TGIF1: variants seen among roughly 807,000 people sequenced by gnomAD.
TGIF1 encodes the protein TGFB induced factor homeobox 1.
A neutral mutation model predicts 19.3 loss-of-function variants in TGIF1; 4 were observed. That is an observed-to-expected ratio of 0.21 (90% CI 0.10 to 0.47). The LOEUF (loss-of-function observed/expected upper bound fraction) is 0.47, where lower values mean the gene tolerates loss of function less well. Among genes scored for constraint, TGIF1 ranks in the 20% least tolerant of loss-of-function variants. TGIF1 has a pLI of 0.98. For synonymous variants in TGIF1, 122 were observed against 129.3 expected (o/e 0.94, Z 0.38); for missense variants, 275 against 341.4 (o/e 0.81, Z 1.53).
intron 1 of TGIF1, among the ~76,000 whole-genome samples, chr18:3,416,391 C>T (rs944968666): frequency 2.6e-5 from 4 of 152,000 alleles, no homozygotes; most frequent in East Asian, 1.9e-4. Context: ...TTATGGCACG[C>T]GCCTGTAATC....
chr18:3,422,190 TAAAA>T (rs33992043), intron 2 of TGIF1, among the ~76,000 whole-genome samples: 1 of 121,034 alleles, frequency 8.3e-6, no homozygotes, highest in Non-Finnish European at 1.7e-5. Context: ...TGAGACACCG[TAAAA>T]AAAAAAAAAA....
At chr18:3,448,765 TTC>T (rs777725786), upstream of TGIF1, among the ~76,000 whole-genome samples, 4 of 142,764 alleles carry the variant, frequency 2.8e-5, no homozygotes, top group East Asian at 6.0e-4. Flanking sequence ...CTAGCTCTAG[TTC>T]CTGAAACAGA....
chr18:3,422,023 G>C (rs1375766178), intron 2 of TGIF1, among the ~76,000 whole-genome samples: 1 of 151,724 alleles, frequency 6.6e-6, no homozygotes, highest in Non-Finnish European at 1.5e-5. Context: ...GTGAAACCCC[G>C]TCTCTACTAA....
intron 2 of TGIF1, among the ~76,000 whole-genome samples, chr18:3,437,344 G>C (rs1365457261): frequency 6.6e-6 from 1 of 152,066 alleles, no homozygotes; most frequent in African/African-American, 2.4e-5. Flanking sequence ...ACGTTTTCTT[G>C]TTTCTAGCTT....
rs2049378945 is a variant in TGIF1 at position 3,457,062 on chromosome 18, C to G, written c.244-303C>G. The G allele has an allele frequency of 3.6e-6, 2 of 557,104 alleles. No individual in the cohort carries two copies. The highest frequency in any genetic ancestry group is 6.3e-6 in the Non-Finnish European group (2 of 315,034). 34.5% of individuals were successfully genotyped at this position (557,104 alleles called of 1,614,324 possible). ...AAATGGGGAGAGTTAAAAAGTAAAC[C>G]TCTCTCTCAAATCATTTTTAAGCAT... On this transcript the variant is annotated intron_variant, in intron 2 of 2. Coordinates refer to ENST00000343820, the MANE Select transcript of TGIF1 (RefSeq NM_003244.4). This position sits in a 1 kb window ranked among gnomAD's most constrained non-coding sequence, Gnocchi z 4.9.
At chr18:3,416,575 G>A (rs1292414200) in intron 1 of TGIF1, among the ~76,000 whole-genome samples, 6 of 152,024 alleles carry the variant, frequency 3.9e-5, no homozygotes, top group Admixed American at 1.3e-4. Flanking sequence ...TGTCCTGCAA[G>A]GGCTAGTGAG....
chr18:3,450,341 G>C lies in TGIF1; in HGVS notation c.-149G>C, dbSNP rs750427228. 402 of 1,482,662 alleles carry C rather than the reference G, an allele frequency of 2.7e-4. No individual in the cohort carries two copies. Among genetic ancestry groups the C allele is most frequent in the Non-Finnish European group, 3.5e-4 (390 of 1,112,224 alleles). 91.8% of individuals were successfully genotyped at this position (1,482,662 alleles called of 1,614,324 possible). ...CCCAAGGAGCGGGCGCCTGGGATCA[G>C]AGCGTCCTGTTTAGCAATAACGGCT... On this transcript the variant is annotated 5_prime_UTR_variant, in exon 1 of 3. Coordinates refer to ENST00000343820, the MANE Select transcript of TGIF1 (RefSeq NM_003244.4).
At position 3,442,144 on chromosome 18, in the gene TGIF1, T is replaced by G. The variant is rs193192205; in HGVS notation, c.-44-14210T>G. ...TAGAAAGAATAAGTTGTCTTTTATT[T>G]TACTTGTCTTCCTTTATGTCTCTCA... On this transcript the variant is annotated intron_variant, in intron 2 of 3. Transcript: ENST00000401449. Among the ~76,000 whole-genome samples, 55 of 152,350 alleles carry G rather than the reference T, an allele frequency of 3.6e-4. No homozygotes were observed. The East Asian group carries it at 9.5e-3, about 26-fold the overall frequency.
At chr18:3,416,153 C>G (rs1278062723) in intron 1 of TGIF1, among the ~76,000 whole-genome samples, 1 of 152,174 alleles carries the variant, frequency 6.6e-6, no homozygotes, top group Non-Finnish European at 1.5e-5. Flanking sequence ...TAGCCAGTTT[C>G]CTTTCCCTTG....
At chr18:3,428,132 C>T (rs1313174771) in intron 2 of TGIF1, among the ~76,000 whole-genome samples, 2 of 152,156 alleles carry the variant, frequency 1.3e-5, no homozygotes, top group Admixed American at 6.5e-5. Flanking sequence ...AAATCAAGGC[C>T]ATGGCAAGCT....
intron 1 of TGIF1, among the ~76,000 whole-genome samples, chr18:3,453,192 C>T (rs2083041497): frequency 6.6e-6 from 1 of 152,020 alleles, no homozygotes; most frequent in Admixed American, 6.5e-5. Context: ...CTCGCCTTGG[C>T]CTCCCAAAGT....
chr18:3,434,849 G>A (rs1486652811), intron 2 of TGIF1, among the ~76,000 whole-genome samples: 1 of 152,228 alleles, frequency 6.6e-6, no homozygotes, highest in African/African-American at 2.4e-5. Context: ...CAGGAACCAA[G>A]CATTTTGCAA....
chr18:3,456,218 C>G lies in TGIF1; in HGVS notation c.17-136C>G. Reference sequence around the variant, plus strand: ...TTTTACTTGGACCCTGAATTCAGGACAGAAAACACTGCTCCTTCTCCTCGC... The same window carrying G: ...TTTTACTTGGACCCTGAATTCAGGAGAGAAAACACTGCTCCTTCTCCTCGC... On this transcript the variant is annotated intron_variant, in intron 1 of 2. Transcript: ENST00000343820. The surrounding 1 kb of genome is among the most constrained non-coding windows in gnomAD (Gnocchi z 4.2). The G allele has an allele frequency of 1.1e-6, 1 of 904,964 alleles. No individual in the cohort carries two copies. The highest frequency in any genetic ancestry group is 1.8e-6 in the Non-Finnish European group (1 of 543,852). The allele number at this position is 904,964 out of a possible 1,614,324, so 56.1% of individuals were successfully genotyped here.
chr18:3,441,961 C>CTGCT (rs144114309), intron 2 of TGIF1, among the ~76,000 whole-genome samples: 4,780 of 152,272 alleles, frequency 0.031, 226 homozygotes, highest in African/African-American at 0.11. Flanking sequence ...ATTTCCCCAG[C>CTGCT]TGCTGTGAGG....
At chr18:3,422,446 C>T (rs976895032) in intron 2 of TGIF1, among the ~76,000 whole-genome samples, 2 of 150,670 alleles carry the variant, frequency 1.3e-5, no homozygotes, top group Non-Finnish European at 3.0e-5. Context: ...AAATTTAAAA[C>T]TTTATAAAAT....
intron 2 of TGIF1, among the ~76,000 whole-genome samples, chr18:3,421,642 C>A (rs907815055): frequency 2.0e-5 from 3 of 151,816 alleles, no homozygotes; most frequent in African/African-American, 7.3e-5. Flanking sequence ...GAACTCCCGA[C>A]CTCAGGTGAT....
chr18:3,455,679 A>G (rs906764164), intron 1 of TGIF1: 1 of 153,348 alleles, frequency 6.5e-6, no homozygotes, highest in Non-Finnish European at 1.5e-5. Context: ...AAAGGTGACT[A>G]GTACTGCCCA....
At chr18:3,454,218 T>G (rs2083089855) in intron 1 of TGIF1, among the ~76,000 whole-genome samples, 1 of 152,214 alleles carries the variant, frequency 6.6e-6, no homozygotes, top group Non-Finnish European at 1.5e-5. Flanking sequence ...CCTGCTTTTG[T>G]GTGTCACTAA....
upstream of TGIF1, chr18:3,448,717 CTTT>C (rs869086299): frequency 0.047 from 11,856 of 254,020 alleles, 21 homozygotes; most frequent in Non-Finnish European, 0.054. Context: ...GCGGGGGTGT[CTTT>C]TTTTTTTTTT....
Sources: allele counts gnomAD v4.1 joint callset (sites outside exome capture counted in the v4.1 genomes callset), GRCh38; gene constraint gnomAD v4.1.1; non-coding constraint Gnocchi (gnomAD v3.1); transcripts MANE v1.5; gene names NCBI Gene and HGNC (gene_info 2026-07-23, HGNC 2026-07-21).